Variants in YAF2 observed in about 807,000 individuals in gnomAD.
YAF2 encodes YY1-associated factor 2.
YAF2 carries 7 observed loss-of-function variants against 20.1 expected under a neutral mutation model. The observed-to-expected ratio is 0.35, with a 90% confidence interval of 0.20 to 0.65. The LOEUF is 0.65. YAF2 is among the 30% of genes least tolerant of loss of function. YAF2 has a pLI of 0.69. For missense variants in YAF2, 151 were observed against 219.2 expected, an observed-to-expected ratio of 0.69 and a Z score of 1.96; for synonymous variants, 74 against 76.0, an observed-to-expected ratio of 0.97 and a Z score of 0.14.
intron 2 of YAF2, among the ~76,000 whole-genome samples, chr12:42,215,553 A>C (rs1231604669): frequency 6.6e-6 from 1 of 152,244 alleles, no homozygotes; most frequent in East Asian, 1.9e-4. Context: ...ACTCCTAAAA[A>C]CAGAAAATAA....
chr12:42,162,108 C>A (rs1212099485), intron 2 of YAF2, among the ~76,000 whole-genome samples: 2 of 152,074 alleles, frequency 1.3e-5, no homozygotes, highest in Non-Finnish European at 2.9e-5. Context: ...AATCAAACTT[C>A]AAAGTTTTCA....
intron 2 of YAF2, among the ~76,000 whole-genome samples, chr12:42,215,313 G>A (rs965870813): frequency 1.3e-5 from 2 of 151,746 alleles, no homozygotes; most frequent in Non-Finnish European, 2.9e-5. Flanking sequence ...GCTAACACCT[G>A]TAATTCCAGC....
intron 2 of YAF2, among the ~76,000 whole-genome samples, chr12:42,196,831 A>G (rs1431618333): frequency 2.0e-5 from 3 of 152,178 alleles, no homozygotes; most frequent in Non-Finnish European, 2.9e-5. Context: ...TCTAAACAAA[A>G]CAAGACTATG....
chr12:42,199,039 T>G (rs1269793176), intron 2 of YAF2: 2 of 586,456 alleles, frequency 3.4e-6, no homozygotes, highest in African/African-American at 4.0e-5. Context: ...TTTAACATTT[T>G]TGTTGAATTT....
intron 2 of YAF2, among the ~76,000 whole-genome samples, chr12:42,181,201 C>T (rs1199025181): frequency 6.6e-6 from 1 of 152,214 alleles, no homozygotes. Context: ...ATTTGCCCTT[C>T]ACTTATCATT....
chr12:42,172,697 C>T (rs1013208848), intron 2 of YAF2, among the ~76,000 whole-genome samples: 15 of 152,284 alleles, frequency 9.9e-5, no homozygotes, highest in South Asian at 6.2e-4. Context: ...TGAATGTTCA[C>T]AGAAGCATTA....
intron 2 of YAF2, among the ~76,000 whole-genome samples, chr12:42,207,846 G>A (rs12321515): frequency 0.01 from 1,563 of 151,946 alleles, 32 homozygotes; most frequent in African/African-American, 0.035. Flanking sequence ...AGCCGAGATC[G>A]TGCCACTGCA....
At chr12:42,187,531 T>C (rs1321790538) in intron 2 of YAF2, among the ~76,000 whole-genome samples, 1 of 152,118 alleles carries the variant, frequency 6.6e-6, no homozygotes, top group Non-Finnish European at 1.5e-5. Flanking sequence ...GTTCCAAGAA[T>C]ACTAAAGATT....
At chr12:42,175,828 G>T (rs574917212) in intron 2 of YAF2, among the ~76,000 whole-genome samples, 69 of 145,882 alleles carry the variant, frequency 4.7e-4, no homozygotes, top group African/African-American at 1.5e-3. Flanking sequence ...CAAATTTTTT[G>T]AAAGTTCTCA....
intron 2 of YAF2, among the ~76,000 whole-genome samples, chr12:42,204,299 T>C (rs2066979795): frequency 6.6e-6 from 1 of 152,202 alleles, no homozygotes; most frequent in African/African-American, 2.4e-5. Context: ...ATTTCACTCC[T>C]AGGTATATAT....
intron 2 of YAF2, among the ~76,000 whole-genome samples, chr12:42,178,612 CATTTTT>C (rs1239367459): frequency 6.6e-6 from 1 of 151,958 alleles, no homozygotes; most frequent in Non-Finnish European, 1.5e-5. Flanking sequence ...CTCCCATTTT[CATTTTT>C]ATTTTTTAAA....
At chr12:42,170,329 T>C (rs2066015132) in intron 2 of YAF2, among the ~76,000 whole-genome samples, 1 of 152,230 alleles carries the variant, frequency 6.6e-6, no homozygotes. Flanking sequence ...ATGAATTAAA[T>C]AGCCCTTGTT....
At position 42,182,300 on chromosome 12, in the gene YAF2, G is replaced by A. The variant is rs187174420; in HGVS notation, c.153-20535C>T. ...GGGTATTTTATAATGCTGATAGCAT[G>A]CAATGTAGAAGAGTTAACACTATTA... On this transcript the variant is annotated intron_variant, in intron 2 of 3. Transcript: ENST00000534854. 2.8e-4 allele frequency among the ~76,000 whole-genome samples: 43 copies of A among 152,232 alleles called. 1 individual carries two copies. In the East Asian group the frequency reaches 7.9e-3, roughly 28 times the overall value.
At chr12:42,176,889 C>T (rs891918982) in intron 2 of YAF2, among the ~76,000 whole-genome samples, 2 of 152,134 alleles carry the variant, frequency 1.3e-5, no homozygotes, top group African/African-American at 4.8e-5. Context: ...ATCGCTTGAA[C>T]CCAGGAGGGG....
At chr12:42,167,276 T>C (rs897941064) in intron 2 of YAF2, among the ~76,000 whole-genome samples, 2 of 152,212 alleles carry the variant, frequency 1.3e-5, no homozygotes, top group African/African-American at 2.4e-5. Context: ...CTGCATGTTC[T>C]GCACATGTAT....
At chr12:42,221,922 A>T (rs1258688890) in intron 2 of YAF2, among the ~76,000 whole-genome samples, 1 of 152,216 alleles carries the variant, frequency 6.6e-6, no homozygotes, top group Non-Finnish European at 1.5e-5. Context: ...TAAGGTTTCA[A>T]GTAATAAAAA....
At chr12:42,229,435 A>AAC (rs1285814075) in intron 2 of YAF2, among the ~76,000 whole-genome samples, 2 of 147,542 alleles carry the variant, frequency 1.4e-5, no homozygotes, top group African/African-American at 5.4e-5. Context: ...AAAAAAAAAA[A>AAC]ACATTTAAAT....
chr12:42,181,456 G>A (rs915929045), intron 2 of YAF2, among the ~76,000 whole-genome samples: 1 of 151,430 alleles, frequency 6.6e-6, no homozygotes, highest in Non-Finnish European at 1.5e-5. Flanking sequence ...TACTTCTTGC[G>A]TAATGATCAG....
chr12:42,210,816 A>G, intron 2 of YAF2: 1 of 718,056 alleles, frequency 1.4e-6, no homozygotes, highest in African/African-American at 1.8e-5. Flanking sequence ...GCTAAATATA[A>G]TGTCAGTGGA....
Sources: gnomAD v4.1 joint callset for allele counts (sites outside exome capture counted in the v4.1 genomes callset) on GRCh38, gnomAD v4.1.1 for gene constraint, MANE v1.5 for transcripts, NCBI Gene and HGNC (gene_info 2026-07-23, HGNC 2026-07-21) for gene names.